The following DOP1B variants were observed in gnomAD, a reference collection of about 807,000 sequenced individuals.
DOP1B encodes the protein protein DOP1B.
Under a neutral mutation model 233.5 loss-of-function variants are expected in DOP1B, and 174 were observed. The ratio of observed to expected loss-of-function variants is 0.75; its 90% CI spans 0.66 to 0.85. DOP1B has a LOEUF of 0.85. DOP1B is among the 40% of genes least tolerant of loss of function. The pLI is 0.00. For synonymous variants in DOP1B, 1,190 were observed against 1,185.6 expected, an observed-to-expected ratio of 1.00 and a Z score of -0.08; for missense variants, 2,652 against 2,846.6, an observed-to-expected ratio of 0.93 and a Z score of 1.56.
chr21:36,264,838 C>T (rs1411414738), intron 26 of DOP1B, among the ~76,000 whole-genome samples: 1 of 152,082 alleles, frequency 6.6e-6, no homozygotes, highest in Non-Finnish European at 1.5e-5. Flanking sequence ...ATGCTCATAA[C>T]AATTTGTTTA....
In DOP1B at chr21:36,230,475, AAAT is replaced by A. The variant is rs1269136871; in HGVS notation, c.1695_1697del (p.Ile566del). The stretch of plus-strand genomic sequence containing the variant: ...AGTCCAGTAAAAGGTGAAAACGGCA[AAAT>A]AATTTTGGAAACAAAGGCAGTGATT... On this transcript the variant is annotated inframe_deletion, in exon 14 of 37. Transcript: ENST00000691173. The A allele has an allele frequency of 1.2e-6, 2 of 1,610,452 alleles. No homozygotes were observed. Among genetic ancestry groups the A allele is most frequent in the African/African-American group, 2.7e-5 (2 of 74,842 alleles).
chr21:36,211,467 T>C lies in DOP1B; in HGVS notation c.682-86T>C. On this transcript the variant is annotated intron_variant, in intron 5 of 36. Transcript: ENST00000691173. Reference sequence around the variant, plus strand: ...TCTTCTGAGTGATATAACGCAGGAGTTTCAAGATTCCCGGGAAAGGTTACT... The same window carrying C: ...TCTTCTGAGTGATATAACGCAGGAGCTTCAAGATTCCCGGGAAAGGTTACT... 2.4e-6 allele frequency: 3 copies of C among 1,265,738 alleles called. No homozygotes were observed. The South Asian group carries it at 3.7e-5, about 16-fold the overall frequency. The allele number at this position is 1,265,738 out of a possible 1,614,324, so 78.4% of individuals were successfully genotyped here.
rs1162075430 is a variant in DOP1B, at chr21:36,257,681, GAT to G, written c.5260-2995_5260-2994del. Among the ~76,000 whole-genome samples the G allele has an allele frequency of 1.4e-3, 211 of 151,336 alleles. 1 individual carries two copies. Among genetic ancestry groups the G allele is most frequent in the African/African-American group, 4.1e-3 (170 of 41,200 alleles). ...ATAGATAGATGTAGGTAGGTAGGTA[GAT>G]GTAGGTAGGTAGGTAGAGAGATGGA... On this transcript the variant is annotated intron_variant, in intron 23 of 36. Coordinates refer to ENST00000691173, the MANE Select transcript of DOP1B (RefSeq NM_001320714.2).
rs755761390 is a variant in DOP1B at position 36,231,115 on chromosome 21, A to C, written c.2331A>C (p.Ala777=). 42 of 1,587,920 alleles carry C rather than the reference A, an allele frequency of 2.6e-5. No homozygotes were observed. Among genetic ancestry groups the C allele is most frequent in the African/African-American group, 4.0e-5 (3 of 74,340 alleles). ...AGGAAGAGACCGAGCAGCTCTGTGCAACGCTCTTCCAGCTGCCAGGTGAGA... is the reference window on the plus strand; with the variant it reads ...AGGAAGAGACCGAGCAGCTCTGTGCCACGCTCTTCCAGCTGCCAGGTGAGA... The part of the protein sequence containing the change: ...LSEEETEQLC[A]TLFQLPGAGD... Residue 777 remains alanine, a synonymous_variant, in exon 14 of 37, where the codon GCA becomes GCC. Coordinates refer to ENST00000691173, the MANE Select transcript of DOP1B (RefSeq NM_001320714.2).
chr21:36,230,942 A>C lies in DOP1B; in HGVS notation c.2158A>C (p.Ser720Arg). ...TTCAGAGTCACCATCGTCTTCGCCC[A>C]GCAGCCCTGCCAGGAAAAACGGGGG... Reference protein sequence around the residue: ...KSSESPSSSPSSPARKNGGEW... With the variant: ...KSSESPSSSPRSPARKNGGEW... The change falls in exon 14 of 37, where the codon AGC becomes CGC. Residue 720 changes from serine to arginine, a missense_variant. By Grantham distance (110) the Ser-to-Arg change is moderately radical (BLOSUM62 -1). Coordinates refer to ENST00000691173, the MANE Select transcript of DOP1B (RefSeq NM_001320714.2). The C allele has an allele frequency of 6.2e-7, 1 of 1,614,216 alleles. No individual in the cohort carries two copies. The highest frequency in any genetic ancestry group is 1.1e-5 in the South Asian group (1 of 91,088).
chr21:36,176,122 G>GTGTGTGT (rs55642925), intron 2 of DOP1B, among the ~76,000 whole-genome samples: 2 of 150,762 alleles, frequency 1.3e-5, no homozygotes, highest in African/African-American at 4.9e-5. Context: ...GTGTGTGTGT[G>GTGTGTGT]GTGATACAGT....
intron 35 of DOP1B, among the ~76,000 whole-genome samples, chr21:36,290,515 T>G (rs1286112607): frequency 2.0e-5 from 3 of 151,638 alleles, no homozygotes; most frequent in African/African-American, 4.9e-5. Context: ...ATACAAAAAT[T>G]AGGCCAGGCG....
chr21:36,271,672 GGTGTCCCACCAT>G (rs2067291166), intron 27 of DOP1B, among the ~76,000 whole-genome samples: 1 of 152,010 alleles, frequency 6.6e-6, no homozygotes, highest in African/African-American at 2.4e-5. Flanking sequence ...CCCCTTAGCT[GGTGTCCCACCAT>G]GTGTATGCCA....
chr21:36,214,246 A>G (rs2066534824), intron 8 of DOP1B, 56 bp downstream of exon 8: 1 of 1,483,302 alleles, frequency 6.7e-7, no homozygotes, highest in Non-Finnish European at 9.3e-7. Flanking sequence ...TCTCCAGTGG[A>G]TTTCTTTGGG....
At chr21:36,284,599 CCT>C (rs1244678936) in intron 32 of DOP1B, among the ~76,000 whole-genome samples, 1 of 151,954 alleles carries the variant, frequency 6.6e-6, no homozygotes, top group East Asian at 1.9e-4. Flanking sequence ...ATCTCACACT[CCT>C]CTCAAATTTG....
intron 9 of DOP1B, among the ~76,000 whole-genome samples, chr21:36,216,485 C>G (rs2066560710): frequency 6.6e-6 from 1 of 151,972 alleles, no homozygotes; most frequent in African/African-American, 2.4e-5. Flanking sequence ...ACAGTGCACA[C>G]CTATAATCGC....
intron 26 of DOP1B, among the ~76,000 whole-genome samples, chr21:36,266,819 A>G (rs1045128377): frequency 6.6e-6 from 1 of 152,238 alleles, no homozygotes; most frequent in Non-Finnish European, 1.5e-5. Flanking sequence ...TTTAGGAGTT[A>G]TAGCTGGGAA....
Position 36,208,859 on chromosome 21 carries a change from C to T in DOP1B, c.636C>T (p.Pro212=), listed in dbSNP as rs142768435. Residue 212 remains proline (P), a synonymous_variant, in exon 5 of 37, where the codon CCC becomes CCT. Transcript: ENST00000691173. The stretch of plus-strand genomic sequence containing the variant: ...TGGGCCACATCAACAGGGATGCCCC[C>T]GGCCGGGAGCAGAAGTACATGCTGG... ...FVVGHINRDA[P]GREQKYMLGT... 7.6e-4 allele frequency: 1,196 copies of T among 1,569,566 alleles called. No homozygotes were observed. Among genetic ancestry groups the T allele is most frequent in the Non-Finnish European group, 9.5e-4 (1,097 of 1,157,894 alleles).
rs559559313 is a variant in DOP1B at position 36,262,964 on chromosome 21, G to A, written c.5316-582G>A. Among the ~76,000 whole-genome samples, 304 of 151,940 alleles carry A rather than the reference G, an allele frequency of 2.0e-3. 2 individuals carry two copies. The highest frequency in any genetic ancestry group is 6.7e-3 in the African/African-American group (279 of 41,512). On this transcript the variant is annotated intron_variant, in intron 24 of 36. Coordinates refer to ENST00000691173, the MANE Select transcript of DOP1B (RefSeq NM_001320714.2). ...TAAAATAGAAGAAAGGCCGGGCGCA[G>A]TGGCTCACGCCTGTAATCCCAGCAC...
At position 36,219,379 on chromosome 21, in the gene DOP1B, A is replaced by G. The variant is rs772310594; in HGVS notation, c.1137A>G (p.Gln379=). 1 of 1,614,118 alleles carries G rather than the reference A, an allele frequency of 6.2e-7. No individual in the cohort carries two copies. Among genetic ancestry groups the G allele is most frequent in the Non-Finnish European group, 8.5e-7 (1 of 1,180,022 alleles). The change falls in exon 10 of 37, where the codon CAA becomes CAG. Residue 379 remains glutamine (Q), a synonymous_variant. Transcript: ENST00000691173. ...SLLDKPEIGP[Q]VVGNLFLEVI... ...TCTTCCTTCTAATTACAGGGCCTCA[A>G]GTGGTTGGGAATTTGTTTCTCGAAG...
chr21:36,170,200 G>A (rs139780914), intron 2 of DOP1B: 338 of 431,648 alleles, frequency 7.8e-4, no homozygotes, highest in African/African-American at 6.1e-3. Context: ...AAATTCCACC[G>A]GTAGAGCTCT....
At chr21:36,227,362 A>T (rs922508380) in intron 12 of DOP1B, among the ~76,000 whole-genome samples, 1 of 151,534 alleles carries the variant, frequency 6.6e-6, no homozygotes. Context: ...CCTGGCTAAC[A>T]CGGTGAAACC....
At chr21:36,248,791 T>A (rs2066998952) in intron 21 of DOP1B, among the ~76,000 whole-genome samples, 1 of 152,174 alleles carries the variant, frequency 6.6e-6, no homozygotes, top group African/African-American at 2.4e-5. Flanking sequence ...TATTTTCCAT[T>A]CACCTTATTT....
intron 2 of DOP1B, among the ~76,000 whole-genome samples, chr21:36,192,356 C>CAA (rs573970546): frequency 1.6e-4 from 20 of 125,216 alleles, no homozygotes; most frequent in East Asian, 7.1e-4. Flanking sequence ...AAGACACTGT[C>CAA]AAAAAAAAAA....
Sources: allele counts gnomAD v4.1 joint callset (sites outside exome capture counted in the v4.1 genomes callset), GRCh38; gene constraint gnomAD v4.1.1; transcripts MANE v1.5; gene names NCBI Gene and HGNC (gene_info 2026-07-23, HGNC 2026-07-21).